The following DEPDC1B variants were observed in gnomAD, a reference collection of about 807,000 sequenced individuals.
DEPDC1B encodes the protein DEP domain containing 1B.
Under a neutral mutation model 66.5 loss-of-function variants are expected in DEPDC1B, and 51 were observed. The observed-to-expected ratio is 0.77, with a 90% CI of 0.61 to 0.97. The LOEUF (loss-of-function observed/expected upper bound fraction) is 0.97, where lower values mean the gene tolerates loss of function less well. Among genes scored for constraint, DEPDC1B ranks in the 50% least tolerant of loss-of-function variants. DEPDC1B has a pLI of 0.00. For synonymous variants in DEPDC1B, 226 were observed against 223.6 expected (o/e 1.01, Z -0.10); for missense variants, 552 against 637.1 (o/e 0.87, Z 1.44).
intron 7 of DEPDC1B, among the ~76,000 whole-genome samples, chr5:60,617,615 C>G (rs1752591085): frequency 6.6e-6 from 1 of 152,160 alleles, no homozygotes; most frequent in South Asian, 2.1e-4. Context: ...GCACCCAATA[C>G]AGGAGCAGCC....
At chr5:60,679,214 T>C (rs76771557) in intron 2 of DEPDC1B, among the ~76,000 whole-genome samples, 1,885 of 152,332 alleles carry the variant, frequency 0.012, 16 homozygotes, top group Non-Finnish European at 0.02. Context: ...CATATTTATA[T>C]GTATCTGTTT....
At chr5:60,666,850 T>C (rs1753852579) in intron 2 of DEPDC1B, among the ~76,000 whole-genome samples, 1 of 151,294 alleles carries the variant, frequency 6.6e-6, no homozygotes, top group Non-Finnish European at 1.5e-5. Context: ...GAAAGAGAGG[T>C]CAAGCAGCAC....
intron 2 of DEPDC1B, among the ~76,000 whole-genome samples, chr5:60,679,240 T>G (rs1172601547): frequency 1.3e-5 from 2 of 152,240 alleles, no homozygotes; most frequent in African/African-American, 4.8e-5. Context: ...CTCTCTATTC[T>G]GTACCACTGA....
At chr5:60,627,823 A>C (rs1296518686) in intron 7 of DEPDC1B, among the ~76,000 whole-genome samples, 1 of 152,188 alleles carries the variant, frequency 6.6e-6, no homozygotes, top group Admixed American at 6.5e-5. Context: ...AAAAGATAGG[A>C]GGAAAGTATT....
At chr5:60,641,525 A>T (rs1753191806) in intron 6 of DEPDC1B, among the ~76,000 whole-genome samples, 2 of 152,038 alleles carry the variant, frequency 1.3e-5, no homozygotes, top group Middle Eastern at 3.4e-3. Flanking sequence ...ACGGAGTTTC[A>T]CCATGTTAGC....
chr5:60,687,269 T>A, intron 1 of DEPDC1B, 42 bp from the exon 2 acceptor site: 1 of 1,559,822 alleles, frequency 6.4e-7, no homozygotes, highest in African/African-American at 1.4e-5. Flanking sequence ...ATCAACTGAT[T>A]TTTTTAAGAT....
chr5:60,647,059 T>C (rs1753333711), intron 3 of DEPDC1B, among the ~76,000 whole-genome samples: 1 of 152,082 alleles, frequency 6.6e-6, no homozygotes, highest in Admixed American at 6.6e-5. Context: ...GCACAATAAA[T>C]GTAATGCACT....
Position 60,605,777 on chromosome 5 carries a change from C to T in DEPDC1B, c.978G>A (p.Lys326=). The change falls in exon 8 of 11, where the codon AAG becomes AAA. Residue 326 remains lysine (K), a synonymous_variant. Transcript: ENST00000265036. ...CCATCATCCTCATCAATAGCTGTAA[C>T]TTTCTCCTATTTTCAGGAGGTAGGA... ...CLLLPPENRR[K]LQLLMRMMAR... is the part of the protein sequence containing the mutation. The T allele has an allele frequency of 6.2e-7, 1 of 1,613,698 alleles. No homozygotes were observed. The highest frequency in any genetic ancestry group is 8.5e-7 in the Non-Finnish European group (1 of 1,179,794).
intron 2 of DEPDC1B, among the ~76,000 whole-genome samples, chr5:60,651,388 C>T (rs1219184454): frequency 1.3e-5 from 2 of 151,970 alleles, no homozygotes; most frequent in African/African-American, 4.8e-5. Flanking sequence ...ATTAGCCGTG[C>T]ATGGTGGCGT....
At chr5:60,602,999 G>A (rs1003580366) in intron 9 of DEPDC1B, among the ~76,000 whole-genome samples, 1 of 152,212 alleles carries the variant, frequency 6.6e-6, no homozygotes, top group Non-Finnish European at 1.5e-5. Context: ...GGCCTTAAGC[G>A]AAGTTATTTA....
chr5:60,659,101 A>G (rs1480590457), intron 2 of DEPDC1B, among the ~76,000 whole-genome samples: 2 of 152,156 alleles, frequency 1.3e-5, no homozygotes, highest in Non-Finnish European at 2.9e-5. Context: ...ACAGCTTCTA[A>G]TAGAGCTATA....
intron 7 of DEPDC1B, among the ~76,000 whole-genome samples, chr5:60,626,561 A>T (rs567044454): frequency 2.2e-4 from 33 of 152,258 alleles, no homozygotes; most frequent in Admixed American, 9.8e-4. Flanking sequence ...GTTCCAATTT[A>T]TCCACATCCT....
At chr5:60,695,715 T>C (rs1259488650) in intron 1 of DEPDC1B, among the ~76,000 whole-genome samples, 1 of 152,236 alleles carries the variant, frequency 6.6e-6, no homozygotes. Context: ...CATACAGTTG[T>C]CATTACAGTC....
chr5:60,640,722 G>A (rs1313819846), intron 6 of DEPDC1B, among the ~76,000 whole-genome samples: 4 of 152,178 alleles, frequency 2.6e-5, no homozygotes, highest in Non-Finnish European at 5.9e-5. Context: ...AGAAAGAGGT[G>A]AGCAGCACCT....
At chr5:60,695,954 A>G (rs1385573176) in intron 1 of DEPDC1B, among the ~76,000 whole-genome samples, 1 of 152,060 alleles carries the variant, frequency 6.6e-6, no homozygotes, top group Non-Finnish European at 1.5e-5. Context: ...ATGTGCCACC[A>G]CACCCAGCTA....
intron 2 of DEPDC1B, among the ~76,000 whole-genome samples, chr5:60,676,595 C>T (rs1031187743): frequency 2.6e-5 from 4 of 152,190 alleles, no homozygotes; most frequent in Admixed American, 6.5e-5. Flanking sequence ...ATCCTCCTCC[C>T]TTTTCTCCCA....
At chr5:60,684,609 T>C (rs1361853986) in intron 2 of DEPDC1B, among the ~76,000 whole-genome samples, 1 of 152,162 alleles carries the variant, frequency 6.6e-6, no homozygotes, top group Non-Finnish European at 1.5e-5. Context: ...GATTAAACAC[T>C]AAACTGTAAG....
chr5:60,627,867 G>A (rs1752838483), intron 7 of DEPDC1B, among the ~76,000 whole-genome samples: 1 of 152,154 alleles, frequency 6.6e-6, no homozygotes, highest in South Asian at 2.1e-4. Context: ...TTTTATATCT[G>A]TAAGTATGAC....
At chr5:60,655,639 T>A (rs1332351454) in intron 2 of DEPDC1B, among the ~76,000 whole-genome samples, 1 of 149,384 alleles carries the variant, frequency 6.7e-6, no homozygotes, top group Non-Finnish European at 1.5e-5. Context: ...TGCTCTGATC[T>A]TTGTTATTTA....
Sources: gnomAD v4.1 joint callset for allele counts (sites outside exome capture counted in the v4.1 genomes callset) on GRCh38, gnomAD v4.1.1 for gene constraint, MANE v1.5 for transcripts, NCBI Gene and HGNC (gene_info 2026-07-23, HGNC 2026-07-21) for gene names.